The following BNC2 variants were observed in gnomAD, a reference collection of about 807,000 sequenced individuals.
BNC2 encodes the protein basonuclin zinc finger protein 2, also known as zinc finger protein basonuclin-2.
In BNC2, 20 loss-of-function variants were observed where a neutral mutation model predicts 76.3. That is an observed-to-expected ratio of 0.26 (90% CI 0.18 to 0.38). BNC2 has a LOEUF of 0.38. Among genes scored for constraint, BNC2 ranks in the 10% least tolerant of loss-of-function variants. The pLI is 1.00. For missense variants in BNC2, 1,382 were observed against 1,399.8 expected (o/e 0.99, Z 0.20); for synonymous variants, 582 against 514.8 (o/e 1.13, Z -1.77).
intron 1 of BNC2, among the ~76,000 whole-genome samples, chr9:16,817,836 C>G (rs894821902): frequency 2.0e-5 from 3 of 152,146 alleles, no homozygotes; most frequent in African/African-American, 7.2e-5. Context: ...TCTTTAATGT[C>G]TGCCGTCTTG....
At chr9:16,499,657 G>C (rs982404139) in intron 5 of BNC2, among the ~76,000 whole-genome samples, 3 of 150,396 alleles carry the variant, frequency 2.0e-5, no homozygotes, top group African/African-American at 7.3e-5. Context: ...AGCTTCCCAA[G>C]TAGCTGGGAC....
intron 3 of BNC2, among the ~76,000 whole-genome samples, chr9:16,672,015 A>G (rs1390656709): frequency 6.6e-6 from 1 of 152,204 alleles, no homozygotes; most frequent in Non-Finnish European, 1.5e-5. Context: ...GTGATTGGTC[A>G]CAAATCTTTT....
chr9:16,463,477 T>C (rs997982727), intron 5 of BNC2, among the ~76,000 whole-genome samples: 5 of 145,422 alleles, frequency 3.4e-5, no homozygotes, highest in East Asian at 2.0e-4. Context: ...TTTGTATTTT[T>C]AGTAGAGACG....
intron 3 of BNC2, among the ~76,000 whole-genome samples, chr9:16,599,856 G>T (rs1820197220): frequency 6.6e-6 from 1 of 152,170 alleles, no homozygotes; most frequent in African/African-American, 2.4e-5. Context: ...ATTGATAACA[G>T]CGCATGCCCA....
rs1820419483 is a variant in BNC2 at position 16,409,637 on chromosome 9, C to T, written c.*9352G>A. 6.6e-6 allele frequency: 1 copy of T among 152,650 alleles called. No homozygotes were observed. The highest frequency in any genetic ancestry group is 1.5e-5 in the Non-Finnish European group (1 of 68,046). The allele number at this position is 152,650 out of a possible 1,614,324, so 9.5% of individuals were successfully genotyped here. ...TTATGCATTTTATGCAAAAGACATACTGTAGGCAGTTATAGTACAGAAAAT... is the reference window on the plus strand; with the variant it reads ...TTATGCATTTTATGCAAAAGACATATTGTAGGCAGTTATAGTACAGAAAAT... On this transcript the variant is annotated 3_prime_UTR_variant, in exon 7 of 7. Coordinates refer to ENST00000380672, the MANE Select transcript of BNC2 (RefSeq NM_017637.6).
At chr9:16,492,583 A>C (rs1418343436) in intron 5 of BNC2, among the ~76,000 whole-genome samples, 1 of 152,180 alleles carries the variant, frequency 6.6e-6, no homozygotes, top group Non-Finnish European at 1.5e-5. Context: ...TTTACCTGGC[A>C]GGTTGTAAAG....
chr9:16,804,587 A>G (rs939407501), intron 1 of BNC2, among the ~76,000 whole-genome samples: 2 of 152,342 alleles, frequency 1.3e-5, no homozygotes, highest in African/African-American at 4.8e-5. Context: ...TGTCCTGGAG[A>G]TAGGTTGTTT....
At chr9:16,422,765 AGAGGTTACGG>A in intron 6 of BNC2, among the ~76,000 whole-genome samples, 2 of 152,236 alleles carry the variant, frequency 1.3e-5, no homozygotes, top group East Asian at 3.9e-4. Flanking sequence ...ATCCTACCCA[AGAGGTTACGG>A]TTCAGTCTCC....
intron 1 of BNC2, among the ~76,000 whole-genome samples, chr9:16,837,455 G>A (rs1316473383): frequency 1.3e-5 from 2 of 152,194 alleles, no homozygotes; most frequent in East Asian, 3.9e-4. Flanking sequence ...AGAGAGCTGA[G>A]GTCGCGCCAC....
intron 5 of BNC2, among the ~76,000 whole-genome samples, chr9:16,477,445 G>C (rs995620514): frequency 1.3e-5 from 2 of 151,852 alleles, no homozygotes; most frequent in Non-Finnish European, 2.9e-5. Context: ...AGCCAAAGCT[G>C]TCTCACTTAG....
At chr9:16,818,313 A>G (rs1393166723) in intron 1 of BNC2, among the ~76,000 whole-genome samples, 3 of 152,160 alleles carry the variant, frequency 2.0e-5, no homozygotes, top group Admixed American at 1.3e-4. Flanking sequence ...CTGAGGCAGG[A>G]GAATGGCGTG....
intron 3 of BNC2, among the ~76,000 whole-genome samples, chr9:16,610,640 G>T (rs1367940670): frequency 6.6e-6 from 1 of 152,140 alleles, no homozygotes; most frequent in Non-Finnish European, 1.5e-5. Flanking sequence ...CATCTACCCT[G>T]TGGTAACTTA....
intron 3 of BNC2, among the ~76,000 whole-genome samples, chr9:16,627,820 T>A (rs74491761): frequency 3.3e-5 from 5 of 152,270 alleles, no homozygotes; most frequent in African/African-American, 1.2e-4. Context: ...CTTCATATTA[T>A]AATTTGGGGT....
intron 4 of BNC2, among the ~76,000 whole-genome samples, chr9:16,559,266 A>AC (rs1554673830): frequency 6.6e-6 from 1 of 151,318 alleles, no homozygotes; most frequent in African/African-American, 2.4e-5. Flanking sequence ...CTTAAATGAG[A>AC]TTTTTTTTTG....
At chr9:16,867,600 G>C (rs1381899104) in intron 1 of BNC2, 1 of 152,024 alleles carries the variant, frequency 6.6e-6, no homozygotes, top group Non-Finnish European at 1.5e-5. Flanking sequence ...TAAAAGTAAA[G>C]GAAACCACTA....
intron 5 of BNC2, among the ~76,000 whole-genome samples, chr9:16,483,345 C>G (rs561411242): frequency 2.6e-5 from 4 of 152,254 alleles, no homozygotes; most frequent in Admixed American, 2.6e-4. Flanking sequence ...TTTCATTGCT[C>G]TCAAATTACA....
chr9:16,599,495 A>G (rs935910806), intron 3 of BNC2, among the ~76,000 whole-genome samples: 10 of 152,210 alleles, frequency 6.6e-5, no homozygotes, highest in Non-Finnish European at 8.8e-5. Flanking sequence ...GGTAAAAAGC[A>G]GTTTGAGGCC....
chr9:16,746,822 C>T (rs559043491), intron 1 of BNC2, among the ~76,000 whole-genome samples: 7 of 151,484 alleles, frequency 4.6e-5, no homozygotes, highest in African/African-American at 1.4e-4. Context: ...ATTAGCCGGG[C>T]GTGGTGGCGG....
intron 3 of BNC2, among the ~76,000 whole-genome samples, chr9:16,619,332 C>T (rs563662148): frequency 2.8e-5 from 4 of 141,962 alleles, no homozygotes; most frequent in African/African-American, 1.2e-4. Context: ...TCTTTAAAAA[C>T]AAAAAACAAA....
Sources: allele counts gnomAD v4.1 joint callset (sites outside exome capture counted in the v4.1 genomes callset), GRCh38; gene constraint gnomAD v4.1.1; transcripts MANE v1.5; gene names NCBI Gene and HGNC (gene_info 2026-07-23, HGNC 2026-07-21).